CDH18: variants seen among roughly 807,000 people sequenced by gnomAD.
CDH18 encodes the protein cadherin-18.
A neutral mutation model predicts 67.9 loss-of-function variants in CDH18; 31 were observed. That is an observed-to-expected ratio of 0.46 (90% CI 0.34 to 0.62). The LOEUF (loss-of-function observed/expected upper bound fraction) is 0.62, where lower values mean the gene tolerates loss of function less well. CDH18 is among the 20% of genes least tolerant of loss of function. The pLI is 0.01. For missense variants in CDH18, 890 were observed against 975.5 expected, an observed-to-expected ratio of 0.91 and a Z score of 1.17; for synonymous variants, 362 against 347.2, an observed-to-expected ratio of 1.04 and a Z score of -0.48.
In CDH18 at chr5:20,501,566, TA is replaced by T. The variant is rs1561069311; in HGVS notation, c.-580+73895del. ...ACATATTATATATATAATATATATA[TA>T]TAATATATATATATTATATATATAT... On this transcript the variant is annotated intron_variant, in intron 1 of 14. Transcript: ENST00000507958. Among the ~76,000 whole-genome samples the T allele has an allele frequency of 4.4e-3, 41 of 9,222 alleles. 1 individual carries two copies. Among genetic ancestry groups the T allele is most frequent in the Admixed American group, 0.016 (8 of 492 alleles). The allele number at this position is 9,222 out of a possible 152,430, so 6.0% of individuals were successfully genotyped here.
At chr5:20,434,459 CT>C (rs1211826102) in intron 1 of CDH18, among the ~76,000 whole-genome samples, 2 of 151,914 alleles carry the variant, frequency 1.3e-5, no homozygotes, top group African/African-American at 4.8e-5. Flanking sequence ...ACTAAAGAGA[CT>C]TCAATAGCAA....
intron 2 of CDH18, among the ~76,000 whole-genome samples, chr5:19,861,417 A>G (rs1784895563): frequency 6.6e-6 from 1 of 152,124 alleles, no homozygotes; most frequent in South Asian, 2.1e-4. Context: ...GTAAGAAGAC[A>G]AAGTCCAGAG....
chr5:20,211,939 T>C (rs575220148), intron 2 of CDH18, among the ~76,000 whole-genome samples: 1 of 151,994 alleles, frequency 6.6e-6, no homozygotes. Context: ...CTTTGACGAG[T>C]TGACAAAAGT....
At chr5:20,297,863 C>G (rs1747662529) in intron 1 of CDH18, among the ~76,000 whole-genome samples, 1 of 152,132 alleles carries the variant, frequency 6.6e-6, no homozygotes, top group Non-Finnish European at 1.5e-5. Context: ...TTCTGCCTGT[C>G]CTCCAGAAGT....
chr5:20,016,046 A>T (rs1452253961), intron 2 of CDH18, among the ~76,000 whole-genome samples: 1 of 152,172 alleles, frequency 6.6e-6, no homozygotes, highest in East Asian at 1.9e-4. Flanking sequence ...ATAACAGCCA[A>T]AACAATGAAT....
intron 1 of CDH18, among the ~76,000 whole-genome samples, chr5:20,383,366 A>G (rs1422682374): frequency 6.6e-6 from 1 of 152,148 alleles, no homozygotes; most frequent in Admixed American, 6.5e-5. Flanking sequence ...ATATGCTGGG[A>G]AAACATACTG....
intron 4 of CDH18, among the ~76,000 whole-genome samples, chr5:19,732,096 T>TAA (rs11292049): frequency 7.0e-5 from 10 of 142,566 alleles, no homozygotes; most frequent in African/African-American, 2.3e-4. Context: ...TCTCAAAAAA[T>TAA]AAAAAAAAAA....
At chr5:19,581,404 C>G (rs1024801931) in intron 7 of CDH18, among the ~76,000 whole-genome samples, 1 of 151,898 alleles carries the variant, frequency 6.6e-6, no homozygotes, top group Non-Finnish European at 1.5e-5. Context: ...ATATTCAGGA[C>G]TTTTTAATTG....
chr5:20,371,207 G>C (rs1195889482), intron 1 of CDH18, among the ~76,000 whole-genome samples: 4 of 152,042 alleles, frequency 2.6e-5, no homozygotes, highest in Admixed American at 1.3e-4. Context: ...TGAGGATAAA[G>C]GAATCCAGAA....
chr5:19,514,738 GGATATTAGCCCTTTGTCA>G (rs1446777980), intron 10 of CDH18, among the ~76,000 whole-genome samples: 2 of 152,118 alleles, frequency 1.3e-5, no homozygotes, highest in Non-Finnish European at 2.9e-5. Context: ...TGTAGATTCT[GGATATTAGCCCTTTGTCA>G]GATGAGTAGA....
chr5:19,841,173 A>G (rs1176492001), intron 2 of CDH18, among the ~76,000 whole-genome samples: 1 of 152,188 alleles, frequency 6.6e-6, no homozygotes, highest in Non-Finnish European at 1.5e-5. Flanking sequence ...GTAGGATTAG[A>G]GTAATTGGAA....
At chr5:20,510,434 A>G (rs891154688) in intron 1 of CDH18, among the ~76,000 whole-genome samples, 1 of 152,146 alleles carries the variant, frequency 6.6e-6, no homozygotes, top group Non-Finnish European at 1.5e-5. Flanking sequence ...TGTCATTACA[A>G]ATTACGGGAT....
intron 2 of CDH18, among the ~76,000 whole-genome samples, chr5:20,222,037 A>G (rs2126454349): frequency 6.6e-6 from 1 of 152,240 alleles, no homozygotes; most frequent in East Asian, 1.9e-4. Context: ...ACACGTCACA[A>G]GAGTTGCTCT....
chr5:19,481,048 C>CTTACTACACA (rs1376541186), intron 12 of CDH18, among the ~76,000 whole-genome samples: 15 of 152,144 alleles, frequency 9.9e-5, no homozygotes, highest in Admixed American at 9.8e-4. Context: ...ACTTTGTTGA[C>CTTACTACACA]AAGATTTACT....
intron 1 of CDH18, among the ~76,000 whole-genome samples, chr5:20,303,581 T>C (rs986164629): frequency 2.0e-5 from 3 of 152,062 alleles, no homozygotes; most frequent in Non-Finnish European, 4.4e-5. Flanking sequence ...CCGGTTCATT[T>C]GGTAACAACA....
At chr5:19,798,838 C>T (rs1348258727) in intron 3 of CDH18, among the ~76,000 whole-genome samples, 1 of 151,812 alleles carries the variant, frequency 6.6e-6, no homozygotes, top group Non-Finnish European at 1.5e-5. Flanking sequence ...GATAACATAT[C>T]TTTGGAAATT....
At chr5:20,184,954 C>T (rs1737975381) in intron 2 of CDH18, among the ~76,000 whole-genome samples, 1 of 152,016 alleles carries the variant, frequency 6.6e-6, no homozygotes, top group Non-Finnish European at 1.5e-5. Context: ...GACTTCAGAC[C>T]TCAGGGTCAC....
intron 1 of CDH18, among the ~76,000 whole-genome samples, chr5:20,423,742 G>C (rs1375266305): frequency 6.7e-6 from 1 of 150,280 alleles, no homozygotes; most frequent in Non-Finnish European, 1.5e-5. Flanking sequence ...TCAGAAGATC[G>C]AGACCATCCT....
chr5:20,064,899 T>C (rs1456843550), intron 2 of CDH18, among the ~76,000 whole-genome samples: 1 of 152,058 alleles, frequency 6.6e-6, no homozygotes, highest in Non-Finnish European at 1.5e-5. Context: ...AATAGAAATA[T>C]TATTCTTATA....
Sources: allele counts gnomAD v4.1 joint callset (sites outside exome capture counted in the v4.1 genomes callset), GRCh38; gene constraint gnomAD v4.1.1; transcripts MANE v1.5; gene names NCBI Gene and HGNC (gene_info 2026-07-23, HGNC 2026-07-21).